INPP5A: variants seen among roughly 807,000 people sequenced by gnomAD.
The protein encoded by INPP5A is inositol polyphosphate-5-phosphatase A.
A neutral mutation model predicts 65.2 loss-of-function variants in INPP5A; 14 were observed. The ratio of observed to expected loss-of-function variants is 0.21; its 90% confidence interval spans 0.14 to 0.34. INPP5A has a LOEUF of 0.34. INPP5A is among the 10% of genes least tolerant of loss of function. The pLI, the probability that INPP5A is intolerant of heterozygous loss-of-function variation, is 1.00. For missense variants in INPP5A, 431 were observed against 545.6 expected, an observed-to-expected ratio of 0.79 and a Z score of 2.09; for synonymous variants, 207 against 208.3, an observed-to-expected ratio of 0.99 and a Z score of 0.05.
intron 1 of INPP5A, among the ~76,000 whole-genome samples, chr10:132,582,223 CTG>C (rs1176289228): frequency 6.6e-6 from 1 of 152,128 alleles, no homozygotes; most frequent in Non-Finnish European, 1.5e-5. Context: ...CAGAATATAT[CTG>C]TGTTCACTGC....
At position 132,717,131 on chromosome 10, in the gene INPP5A, C is replaced by T. The variant is rs138458740; in HGVS notation, c.647+6675C>T. Among the ~76,000 whole-genome samples, 315 of 149,126 alleles carry T rather than the reference C, an allele frequency of 2.1e-3. 5 individuals are homozygous for T. Among genetic ancestry groups the T allele is most frequent in the African/African-American group, 7.1e-3 (294 of 41,136 alleles). Reference sequence around the variant, plus strand: ...CTGAGTTCTGGTGACAGCTTGCAGACGGCCGCCTTCTCACTGCGTCCTCAC... The same window carrying T: ...CTGAGTTCTGGTGACAGCTTGCAGATGGCCGCCTTCTCACTGCGTCCTCAC... On this transcript the variant is annotated intron_variant, in intron 8 of 15. Coordinates refer to ENST00000368594, the MANE Select transcript of INPP5A (RefSeq NM_005539.5).
chr10:132,717,507 G>T (rs1280678078), intron 8 of INPP5A, among the ~76,000 whole-genome samples: 2 of 151,558 alleles, frequency 1.3e-5, no homozygotes, highest in East Asian at 3.9e-4. Context: ...CCTGGGTTCT[G>T]CCTGGAGGAG....
intron 1 of INPP5A, among the ~76,000 whole-genome samples, chr10:132,585,233 T>C (rs1274126065): frequency 3.3e-5 from 5 of 152,194 alleles, no homozygotes; most frequent in Non-Finnish European, 7.3e-5. Context: ...CTAAATAAAA[T>C]ATGTTCTTAA....
intron 12 of INPP5A, among the ~76,000 whole-genome samples, 178 bp downstream of exon 12, chr10:132,766,024 ATCTGTGTGCACAGGTGCG>A (rs1261685581): frequency 6.6e-6 from 1 of 152,120 alleles, no homozygotes; most frequent in Non-Finnish European, 1.5e-5. Context: ...TGTGTTGTGC[ATCTGTGTGCACAGGTGCG>A]TCTGTGTGTG....
chr10:132,611,816 G>C (rs1380834339), intron 2 of INPP5A, among the ~76,000 whole-genome samples: 1 of 147,594 alleles, frequency 6.8e-6, no homozygotes, highest in Admixed American at 6.7e-5. Context: ...TCAGAGGAGG[G>C]TGCGGGAGGT....
Position 132,766,892 on chromosome 10 carries a change from G to A in INPP5A, c.977+1046G>A, listed in dbSNP as rs143289670. On this transcript the variant is annotated intron_variant, in intron 12 of 15. Transcript: ENST00000368594. The stretch of plus-strand genomic sequence containing the variant: ...AGCCTGGGTGGGAGCTGGAGGATGC[G>A]GCCTCAGGGAGCTTGGGTGGGCTTG... Among the ~76,000 whole-genome samples the A allele has an allele frequency of 1.1e-3, 161 of 150,760 alleles. 4 individuals are homozygous for A. The East Asian group carries it at 0.023, about 22-fold the overall frequency.
At chr10:132,728,022 G>A (rs1305423704) in intron 9 of INPP5A, among the ~76,000 whole-genome samples, 1 of 152,164 alleles carries the variant, frequency 6.6e-6, no homozygotes, top group Non-Finnish European at 1.5e-5. Flanking sequence ...GATCATCCTG[G>A]GTCTCTTGTG....
At chr10:132,594,193 C>G (rs896532633) in intron 1 of INPP5A, among the ~76,000 whole-genome samples, 1 of 152,198 alleles carries the variant, frequency 6.6e-6, no homozygotes, top group African/African-American at 2.4e-5. Context: ...TTAGAACTTT[C>G]CTTCTTGTGC....
chr10:132,644,227 C>CGCCCAGGAGGGAGGG lies in INPP5A; in HGVS notation c.118-1635_118-1621dup, dbSNP rs2072463446. 6.6e-6 allele frequency among the ~76,000 whole-genome samples: 1 copy of CGCCCAGGAGGGAGGG among 152,226 alleles called. No individual in the cohort carries two copies. The highest frequency in any genetic ancestry group is 1.9e-4 in the East Asian group (1 of 5,194). On this transcript the variant is annotated intron_variant, in intron 2 of 15. Transcript: ENST00000368594. The surrounding 1 kb of genome is among the most constrained non-coding windows in gnomAD (Gnocchi z 6.5). The stretch of plus-strand genomic sequence containing the variant: ...TGAGTGCCCGGGGAGCCCACGCCCA[C>CGCCCAGGAGGGAGGG]GCCCAGGAGGGAGGGGCCCACTCGG...
At chr10:132,670,383 CCT>C (rs59990500) in intron 4 of INPP5A, among the ~76,000 whole-genome samples, 3,983 of 23,840 alleles carry the variant, frequency 0.17, 1,184 homozygotes, top group East Asian at 0.56. Flanking sequence ...CCTCACACCC[CCT>C]GACCCTACAT....
intron 11 of INPP5A, among the ~76,000 whole-genome samples, chr10:132,755,624 G>T (rs1298962244): frequency 6.6e-6 from 1 of 152,046 alleles, no homozygotes; most frequent in Non-Finnish European, 1.5e-5. Flanking sequence ...GGGTGTGTGT[G>T]TGTGTGTGAG....
chr10:132,590,687 T>C (rs574497789), intron 1 of INPP5A, among the ~76,000 whole-genome samples: 1 of 152,306 alleles, frequency 6.6e-6, no homozygotes, highest in African/African-American at 2.4e-5. Flanking sequence ...CCTCTTCCTC[T>C]TCCTGGATGT....
At chr10:132,731,802 C>T (rs963151981) in intron 9 of INPP5A, among the ~76,000 whole-genome samples, 3 of 152,200 alleles carry the variant, frequency 2.0e-5, no homozygotes, top group African/African-American at 4.8e-5. Flanking sequence ...GAAGGAAAGC[C>T]GCATGTGCTC....
chr10:132,708,189 T>C, intron 6 of INPP5A, 124 bp from the exon 7 acceptor site: 1 of 792,742 alleles, frequency 1.3e-6, no homozygotes, highest in East Asian at 2.7e-5. Flanking sequence ...GCGGCATCAG[T>C]GCCGGAAGAG....
At chr10:132,681,322 C>G (rs896721491) in intron 4 of INPP5A, among the ~76,000 whole-genome samples, 1 of 152,254 alleles carries the variant, frequency 6.6e-6, no homozygotes, top group African/African-American at 2.4e-5. Context: ...TTTGTTCTTT[C>G]GCTCTTTGCA....
chr10:132,769,805 C>CGA (rs1554959095), intron 12 of INPP5A, among the ~76,000 whole-genome samples: 61 of 98,286 alleles, frequency 6.2e-4, no homozygotes, highest in Middle Eastern at 5.8e-3. Flanking sequence ...GTAGCTCCCC[C>CGA]CCCCCAAGTT....
At position 132,753,213 on chromosome 10, in the gene INPP5A, AT is replaced by A. The variant is rs1372064898; in HGVS notation, c.903+3370del. Among the ~76,000 whole-genome samples the A allele has an allele frequency of 4.6e-5, 7 of 152,040 alleles. No homozygotes were observed. The highest frequency in any genetic ancestry group is 1.7e-4 in the African/African-American group (7 of 41,398). ...CATGCCGAGTCAGTTGTGCCCAGAAATTGGCAGTTGTCCCCATCGACGGAGG... is the reference window on the plus strand; with the variant it reads ...CATGCCGAGTCAGTTGTGCCCAGAAATGGCAGTTGTCCCCATCGACGGAGG... On this transcript the variant is annotated intron_variant, in intron 11 of 15. Transcript: ENST00000368594. The surrounding 1 kb of genome is among the most constrained non-coding windows in gnomAD (Gnocchi z 5.3).
At chr10:132,765,417 T>C (rs1342721900) in intron 11 of INPP5A, among the ~76,000 whole-genome samples, 2 of 152,198 alleles carry the variant, frequency 1.3e-5, no homozygotes, top group African/African-American at 4.8e-5. Flanking sequence ...ACAGGAGCTG[T>C]GTTCCCTCTG....
At chr10:132,582,201 C>T (rs952486626) in intron 1 of INPP5A, among the ~76,000 whole-genome samples, 4 of 152,042 alleles carry the variant, frequency 2.6e-5, no homozygotes, top group Admixed American at 6.6e-5. Flanking sequence ...CTATGGTTCT[C>T]GCTTTCTGAG....
Sources: gnomAD v4.1 joint callset for allele counts (sites outside exome capture counted in the v4.1 genomes callset) on GRCh38, gnomAD v4.1.1 for gene constraint, Gnocchi (gnomAD v3.1) non-coding constraint, MANE v1.5 for transcripts, NCBI Gene and HGNC (gene_info 2026-07-23, HGNC 2026-07-21) for gene names.